The following CBFB variants were observed in gnomAD, a reference collection of about 807,000 sequenced individuals.
The protein encoded by CBFB is CBF-beta.
A neutral mutation model predicts 30.4 loss-of-function variants in CBFB; 9 were observed. The observed-to-expected ratio is 0.30, with a 90% CI of 0.18 to 0.52. The LOEUF (loss-of-function observed/expected upper bound fraction) is 0.52. Ranked by LOEUF, CBFB falls within the 20% of genes least tolerant of loss-of-function variation. The pLI is 0.97. For missense variants in CBFB, 170 were observed against 244.0 expected, an observed-to-expected ratio of 0.70 and a Z score of 2.02; for synonymous variants, 94 against 84.0, an observed-to-expected ratio of 1.12 and a Z score of -0.65.
chr16:67,056,069 A>C (rs373237729), intron 3 of CBFB, among the ~76,000 whole-genome samples: 1 of 152,314 alleles, frequency 6.6e-6, no homozygotes, highest in Admixed American at 6.5e-5. Context: ...CAGGGAAAAA[A>C]CAGCATGTCT....
chr16:67,045,796 ATT>A lies in CBFB; in HGVS notation c.282+9057_282+9058del, dbSNP rs576739034. Among the ~76,000 whole-genome samples, 333 of 133,582 alleles carry A rather than the reference ATT, an allele frequency of 2.5e-3. 2 individuals are homozygous for A. Among genetic ancestry groups the A allele is most frequent in the African/African-American group, 8.8e-3 (321 of 36,396 alleles). 87.6% of individuals were successfully genotyped at this position (133,582 alleles called of 152,430 possible). A position where few individuals can be genotyped will look rare whatever the true frequency, so the allele number is the denominator to read the frequency against. On this transcript the variant is annotated intron_variant, in intron 3 of 5. Coordinates refer to ENST00000412916, the MANE Select transcript of CBFB (RefSeq NM_022845.3). ...TCCCCTCCTTCCTTCTACTTTCTACATTTTTTTTTTTTTTTTTGAGACAGTGT... is the reference window on the plus strand; with the variant it reads ...TCCCCTCCTTCCTTCTACTTTCTACATTTTTTTTTTTTTTTGAGACAGTGT...
At chr16:67,048,807 CCTTTTTTTTTTTTTT>C (rs969164284) in intron 3 of CBFB, among the ~76,000 whole-genome samples, 3 of 146,086 alleles carry the variant, frequency 2.1e-5, no homozygotes, top group East Asian at 2.0e-4. Flanking sequence ...CCGTGTCTAG[CCTTTTTTTTTTTTTT>C]CTTTTTTTTT....
intron 4 of CBFB, among the ~76,000 whole-genome samples, chr16:67,069,801 G>A (rs1445470613): frequency 1.3e-5 from 2 of 152,158 alleles, no homozygotes; most frequent in Non-Finnish European, 2.9e-5. Context: ...AGAAAGTTGT[G>A]GGATGACATA....
At chr16:67,047,048 A>G (rs1966638986) in intron 3 of CBFB, among the ~76,000 whole-genome samples, 1 of 152,112 alleles carries the variant, frequency 6.6e-6, no homozygotes, top group African/African-American at 2.4e-5. Flanking sequence ...GCAGTAGCTC[A>G]TACCTGTAAT....
rs977053689 is a variant in CBFB, at chr16:67,054,526, G to A, written c.283-12156G>A. On this transcript the variant is annotated intron_variant, in intron 3 of 5. Coordinates refer to ENST00000412916, the MANE Select transcript of CBFB (RefSeq NM_022845.3). ...TTACAGTATGGCAGCTGTGTCCTTC[G>A]TAAGGAAATTTTCTTATATTAATTG... 5.3e-5 allele frequency among the ~76,000 whole-genome samples: 8 copies of A among 152,186 alleles called. No homozygotes were observed. In the East Asian group the frequency reaches 7.7e-4, roughly 15 times the overall value.
At chr16:67,037,236 C>T (rs979831059) in intron 3 of CBFB, among the ~76,000 whole-genome samples, 1 of 152,194 alleles carries the variant, frequency 6.6e-6, no homozygotes, top group Non-Finnish European at 1.5e-5. Flanking sequence ...TTTTGTATCA[C>T]TCCATTCCTA....
chr16:67,078,253 A>G (rs1309998237), intron 4 of CBFB, among the ~76,000 whole-genome samples: 1 of 152,214 alleles, frequency 6.6e-6, no homozygotes, highest in Admixed American at 6.5e-5. Flanking sequence ...TGTCATTAGA[A>G]AATACCAAGA....
At chr16:67,094,759 G>T (rs922484891) in intron 5 of CBFB, among the ~76,000 whole-genome samples, 3 of 152,144 alleles carry the variant, frequency 2.0e-5, no homozygotes, top group African/African-American at 7.2e-5. Flanking sequence ...CATTGATTGT[G>T]TATGGAACAT....
chr16:67,084,164 T>TAAA (rs1341886876), intron 5 of CBFB, among the ~76,000 whole-genome samples: 1 of 19,068 alleles, frequency 5.2e-5, no homozygotes, highest in African/African-American at 1.8e-4. Context: ...GGACCCTACC[T>TAAA]CAAAAAAAAA....
rs1434057145 is a variant in CBFB, at chr16:67,099,248, ATTTCC to A, written c.*474_*478del. ...TCTTATTTTTTGTTTTGTTTGCCCCATTTCCTTTTGTGTTTTTATAGTCTATAGCA... is the reference window on the plus strand; with the variant it reads ...TCTTATTTTTTGTTTTGTTTGCCCCATTTTGTGTTTTTATAGTCTATAGCA... On this transcript the variant is annotated 3_prime_UTR_variant, in exon 6 of 6. Transcript: ENST00000412916. The A allele has an allele frequency of 1.7e-5, 4 of 230,424 alleles. No homozygotes were observed. Among genetic ancestry groups the A allele is most frequent in the Non-Finnish European group, 3.4e-5 (4 of 117,430 alleles). 14.3% of individuals were successfully genotyped at this position (230,424 alleles called of 1,614,324 possible). A position where few individuals can be genotyped will look rare whatever the true frequency, so the allele number is the denominator to read the frequency against.
intron 3 of CBFB, among the ~76,000 whole-genome samples, chr16:67,053,933 C>A (rs1413273718): frequency 2.6e-5 from 4 of 151,568 alleles, no homozygotes; most frequent in Admixed American, 6.6e-5. Flanking sequence ...AAGCACATCA[C>A]CTTTGTCAGC....
At chr16:67,061,944 A>T (rs1385871076) in intron 3 of CBFB, among the ~76,000 whole-genome samples, 1 of 151,980 alleles carries the variant, frequency 6.6e-6, no homozygotes, top group Non-Finnish European at 1.5e-5. Context: ...AGGCAGGAGA[A>T]TCCTTTGAAC....
chr16:67,042,452 G>C (rs1966547825), intron 3 of CBFB, among the ~76,000 whole-genome samples: 1 of 152,182 alleles, frequency 6.6e-6, no homozygotes, highest in African/African-American at 2.4e-5. Context: ...TCCAGCCTGA[G>C]TTTTAACAAA....
At chr16:67,068,835 G>A (rs1247802062) in intron 4 of CBFB, among the ~76,000 whole-genome samples, 2 of 152,166 alleles carry the variant, frequency 1.3e-5, no homozygotes, top group Non-Finnish European at 2.9e-5. Context: ...TCCTTTTAAT[G>A]TTAAAGGAAA....
intron 2 of CBFB, among the ~76,000 whole-genome samples, chr16:67,031,709 C>T (rs974344037): frequency 1.3e-5 from 2 of 152,086 alleles, no homozygotes; most frequent in Admixed American, 1.3e-4. Flanking sequence ...GACGGGGTTT[C>T]ACCATCTTGG....
chr16:67,089,842 T>A (rs1486354505), intron 5 of CBFB, among the ~76,000 whole-genome samples: 1 of 152,142 alleles, frequency 6.6e-6, no homozygotes. Context: ...AAAAACTCCC[T>A]CCCAGGTTGT....
intron 4 of CBFB, among the ~76,000 whole-genome samples, chr16:67,080,948 C>T (rs990532506): frequency 6.6e-6 from 1 of 152,026 alleles, no homozygotes; most frequent in Admixed American, 6.6e-5. Context: ...ATATGAAATA[C>T]TGAATTTTTC....
intron 5 of CBFB, among the ~76,000 whole-genome samples, chr16:67,090,181 C>G (rs532768388): frequency 4.6e-5 from 7 of 152,236 alleles, no homozygotes; most frequent in Non-Finnish European, 8.8e-5. Flanking sequence ...TTCCCATGTT[C>G]TGGTAATGTT....
intron 4 of CBFB, among the ~76,000 whole-genome samples, chr16:67,080,992 A>G (rs1383222560): frequency 6.6e-6 from 1 of 152,046 alleles, no homozygotes; most frequent in Non-Finnish European, 1.5e-5. Context: ...TTTTATATAT[A>G]TACTTTTAAG....
Sources: gnomAD v4.1 joint callset for allele counts (sites outside exome capture counted in the v4.1 genomes callset) on GRCh38, gnomAD v4.1.1 for gene constraint, MANE v1.5 for transcripts, NCBI Gene and HGNC (gene_info 2026-07-23, HGNC 2026-07-21) for gene names.